ZNF536: variants seen among roughly 807,000 people sequenced by gnomAD.
ZNF536 encodes zinc finger protein 536.
In ZNF536, 13 loss-of-function variants were observed where a neutral mutation model predicts 84.5. The observed-to-expected ratio is 0.15, with a 90% CI of 0.10 to 0.24. ZNF536 has a LOEUF of 0.24. Ranked by LOEUF, ZNF536 falls within the 10% of genes least tolerant of loss-of-function variation. The pLI is 1.00. For missense variants in ZNF536, 1,536 were observed against 1,747.5 expected, an observed-to-expected ratio of 0.88 and a Z score of 2.16; for synonymous variants, 811 against 742.5, an observed-to-expected ratio of 1.09 and a Z score of -1.50.
chr19:30,680,824 C>T lies in ZNF536; in HGVS notation c.170-29933C>T, dbSNP rs937975116. Among the ~76,000 whole-genome samples, 7 of 152,144 alleles carry T rather than the reference C, an allele frequency of 4.6e-5. 1 individual carries two copies. The South Asian group carries it at 1.2e-3, about 27-fold the overall frequency. Reference sequence around the variant, plus strand: ...CTAGTTCTAGATCCCTGAGGAATCGCCACACTGACTTCCACAATGGCTGAA... The same window carrying T: ...CTAGTTCTAGATCCCTGAGGAATCGTCACACTGACTTCCACAATGGCTGAA... On this transcript the variant is annotated intron_variant, in intron 1 of 1. Transcript: ENST00000592773.
chr19:30,589,533 G>T (rs1365068693), intron 1 of ZNF536, among the ~76,000 whole-genome samples: 2 of 152,202 alleles, frequency 1.3e-5, no homozygotes, highest in African/African-American at 4.8e-5. Flanking sequence ...GCAGCCCTCA[G>T]GTTATGGATG....
intron 2 of ZNF536, among the ~76,000 whole-genome samples, chr19:30,287,000 G>C (rs1045730785): frequency 7.2e-5 from 11 of 152,196 alleles, no homozygotes; most frequent in Admixed American, 5.9e-4. Context: ...GGAATCCATC[G>C]TGTTATTTGG....
chr19:30,351,447 C>G (rs562947787), intron 2 of ZNF536, among the ~76,000 whole-genome samples: 1 of 152,334 alleles, frequency 6.6e-6, no homozygotes, highest in South Asian at 2.1e-4. Context: ...AACATCTGCT[C>G]TGTCACTATC....
chr19:30,321,512 C>T (rs1455484203), intron 2 of ZNF536, among the ~76,000 whole-genome samples: 1 of 152,048 alleles, frequency 6.6e-6, no homozygotes, highest in Non-Finnish European at 1.5e-5. Flanking sequence ...GGGCCGAGAC[C>T]ACGCCACTGC....
At chr19:30,356,302 C>A (rs946143511) in intron 3 of ZNF536, among the ~76,000 whole-genome samples, 1 of 152,208 alleles carries the variant, frequency 6.6e-6, no homozygotes, top group Admixed American at 6.5e-5. Flanking sequence ...ATGTAACAGA[C>A]AAACTGTGTC....
intron 2 of ZNF536, among the ~76,000 whole-genome samples, chr19:30,505,103 A>G (rs1410246516): frequency 1.3e-5 from 2 of 151,962 alleles, no homozygotes; most frequent in African/African-American, 2.4e-5. Context: ...GTTTATATTT[A>G]TACAAAGTTG....
chr19:30,583,213 T>A (rs774360155), intron 1 of ZNF536, among the ~76,000 whole-genome samples: 24 of 152,196 alleles, frequency 1.6e-4, no homozygotes, highest in Non-Finnish European at 3.1e-4. Flanking sequence ...GTTCCTGGTC[T>A]CTGAGTGGTA....
chr19:30,466,584 A>AGAGAGAG lies in ZNF536; in HGVS notation c.2170+20852_2170+20853insGAGAGAG, dbSNP rs1555775077. On this transcript the variant is annotated intron_variant, in intron 2 of 4. Coordinates refer to ENST00000355537, the MANE Select transcript of ZNF536 (RefSeq NM_014717.3). ...TTAGAAAGAAAGAAAGAAAGAAAGA[A>AGAGAGAG]AGAGAGAGAGAGAGAGAGAAAGAAA... Among the ~76,000 whole-genome samples, 966 of 144,452 alleles carry AGAGAGAG rather than the reference A, an allele frequency of 6.7e-3. 20 individuals are homozygous for AGAGAGAG. The highest frequency in any genetic ancestry group is 0.023 in the African/African-American group (901 of 38,612). The allele number at this position is 144,452 out of a possible 152,430, so 94.8% of individuals were successfully genotyped here. A position where few individuals can be genotyped will look rare whatever the true frequency, so the allele number is the denominator to read the frequency against.
intron 2 of ZNF536, among the ~76,000 whole-genome samples, chr19:30,347,324 C>T (rs1315752512): frequency 2.6e-5 from 4 of 152,156 alleles, no homozygotes; most frequent in South Asian, 2.1e-4. Context: ...AAAGGTGACA[C>T]GAGGGTTCCT....
intron 2 of ZNF536, among the ~76,000 whole-genome samples, chr19:30,503,598 C>T (rs2055038734): frequency 6.6e-6 from 1 of 152,180 alleles, no homozygotes; most frequent in Non-Finnish European, 1.5e-5. Context: ...CTCAAAGTTG[C>T]TTAAGCAAAA....
At chr19:30,314,650 C>T (rs2046619975) in intron 2 of ZNF536, among the ~76,000 whole-genome samples, 1 of 152,164 alleles carries the variant, frequency 6.6e-6, no homozygotes, top group Admixed American at 6.5e-5. Context: ...TCCCTGTGGG[C>T]CTGTGCTCTG....
chr19:30,372,710 T>C (rs2048654953), intron 1 of ZNF536, among the ~76,000 whole-genome samples, 154 bp downstream of exon 1: 1 of 152,142 alleles, frequency 6.6e-6, no homozygotes, highest in South Asian at 2.1e-4. Flanking sequence ...ACACACCCTT[T>C]TGCAAAATAA....
chr19:30,671,470 T>A (rs1341395419), intron 1 of ZNF536, among the ~76,000 whole-genome samples: 1 of 152,114 alleles, frequency 6.6e-6, no homozygotes, highest in Non-Finnish European at 1.5e-5. Flanking sequence ...CCTTGTCAAC[T>A]CAGCAGAGAT....
intron 1 of ZNF536, among the ~76,000 whole-genome samples, chr19:30,671,488 G>T (rs1645740991): frequency 6.6e-6 from 1 of 152,186 alleles, no homozygotes; most frequent in Admixed American, 6.5e-5. Context: ...GATGATGGCG[G>T]CTTCATCCAA....
rs574144029 is a variant in ZNF536 at position 30,286,890 on chromosome 19, A to G, written c.-120+2749A>G. On this transcript the variant is annotated intron_variant, in intron 2 of 5. Coordinates refer to the ZNF536 transcript ENST00000585628. ...TGGAATACAGTTTTGTACTGTTAAC[A>G]TTTCCATATGAGACACTCTTGCTTG... 2.0e-5 allele frequency among the ~76,000 whole-genome samples: 3 copies of G among 152,334 alleles called. No homozygotes were observed. In the East Asian group the frequency reaches 5.8e-4, roughly 29 times the overall value.
At chr19:30,544,373 C>G (rs2045460905) in intron 3 of ZNF536, among the ~76,000 whole-genome samples, 1 of 152,218 alleles carries the variant, frequency 6.6e-6, no homozygotes, top group African/African-American at 2.4e-5. Context: ...CCTAATTCAC[C>G]AGGCCTGGGC....
At chr19:30,631,675 G>T (rs971207266) in intron 1 of ZNF536, among the ~76,000 whole-genome samples, 3 of 152,162 alleles carry the variant, frequency 2.0e-5, no homozygotes, top group African/African-American at 7.2e-5. Context: ...TTCAAGGGGT[G>T]ATTCCCTGGG....
intron 1 of ZNF536, among the ~76,000 whole-genome samples, chr19:30,419,845 G>A (rs1381179312): frequency 6.6e-6 from 1 of 152,214 alleles, no homozygotes; most frequent in African/African-American, 2.4e-5. Context: ...CTGCTCCACG[G>A]CATCCTTTCC....
At chr19:30,678,748 C>A (rs2050854974) in intron 1 of ZNF536, among the ~76,000 whole-genome samples, 1 of 136,882 alleles carries the variant, frequency 7.3e-6, no homozygotes, top group African/African-American at 2.7e-5. Context: ...CCCACACACA[C>A]CTATACCCTT....
Sources: allele counts gnomAD v4.1 joint callset (sites outside exome capture counted in the v4.1 genomes callset), GRCh38; gene constraint gnomAD v4.1.1; transcripts MANE v1.5; gene names NCBI Gene and HGNC (gene_info 2026-07-23, HGNC 2026-07-21).